Variants in DERA observed in about 807,000 individuals in gnomAD.
The protein encoded by DERA is 2-deoxy-D-ribose 5-phosphate aldolase.
In DERA, 15 loss-of-function variants were observed where a neutral mutation model predicts 41.1. The ratio of observed to expected loss-of-function variants is 0.37; its 90% CI spans 0.24 to 0.56. The LOEUF (loss-of-function observed/expected upper bound fraction) is 0.56. Ranked by LOEUF, DERA falls within the 20% of genes least tolerant of loss-of-function variation. The probability of loss-of-function intolerance (pLI) is 0.81; values close to 1 mark genes in which losing one functional copy is unlikely to be tolerated. For synonymous variants in DERA, 139 were observed against 137.4 expected (o/e 1.01, Z -0.08); for missense variants, 396 against 403.4 (o/e 0.98, Z 0.16).
chr12:15,990,437 GT>G lies in DERA; in HGVS notation c.637+8005del, dbSNP rs1948794161. ...TACTTTCCATGTTCTTTTTTGTTTT[GT>G]TTTGTTTTTAGTTTTATTTTTAACT... is the stretch of plus-strand genomic sequence containing the variant. On this transcript the variant is annotated intron_variant, in intron 6 of 8. Coordinates refer to ENST00000428559, the MANE Select transcript of DERA (RefSeq NM_015954.4). This position sits in a 1 kb window ranked among gnomAD's most constrained non-coding sequence, Gnocchi z 4.3. 6.6e-6 allele frequency among the ~76,000 whole-genome samples: 1 copy of G among 151,986 alleles called. No homozygotes were observed. The highest frequency in any genetic ancestry group is 6.6e-5 in the Admixed American group (1 of 15,266).
chr12:15,922,696 A>G lies in DERA; in HGVS notation c.31+11282A>G, dbSNP rs1345277287. Among the ~76,000 whole-genome samples the G allele has an allele frequency of 6.6e-6, 1 of 152,028 alleles. No individual in the cohort carries two copies. Among genetic ancestry groups the G allele is most frequent in the Admixed American group, 6.5e-5 (1 of 15,270 alleles). The stretch of plus-strand genomic sequence containing the variant: ...TACCTGCCCATTTGTGCTTCATTGA[A>G]TGCACTGTGGTTTATCTGGGAAGGA... On this transcript the variant is annotated intron_variant, in intron 1 of 8. Coordinates refer to ENST00000428559, the MANE Select transcript of DERA (RefSeq NM_015954.4). The surrounding 1 kb of genome is among the most constrained non-coding windows in gnomAD (Gnocchi z 4.9).
intron 6 of DERA, among the ~76,000 whole-genome samples, chr12:16,024,924 A>G (rs1471467716): frequency 6.6e-6 from 1 of 152,188 alleles, no homozygotes; most frequent in African/African-American, 2.4e-5. Flanking sequence ...CAGCAGTGTT[A>G]TAAGACACAG....
intron 1 of DERA, among the ~76,000 whole-genome samples, chr12:15,944,787 G>T (rs922706947): frequency 2.0e-5 from 3 of 152,158 alleles, no homozygotes; most frequent in Non-Finnish European, 4.4e-5. Context: ...TGGTGTTTTA[G>T]ACATGAAGTC....
In DERA at chr12:16,012,546, T is replaced by C. The variant is rs1441195183; in HGVS notation, c.638-19996T>C. On this transcript the variant is annotated intron_variant, in intron 6 of 8. Coordinates refer to ENST00000428559, the MANE Select transcript of DERA (RefSeq NM_015954.4). This position sits in a 1 kb window ranked among gnomAD's most constrained non-coding sequence, Gnocchi z 4.1. ...ATCTTTTGCATTGCTGAGTGAAATA[T>C]TCAAATTTGGGAGCAGAGCCGAGTT... Among the ~76,000 whole-genome samples, 2 of 152,160 alleles carry C rather than the reference T, an allele frequency of 1.3e-5. No homozygotes were observed. The highest frequency in any genetic ancestry group is 1.9e-4 in the East Asian group (1 of 5,194).
chr12:16,036,455 G>GA lies in DERA; in HGVS notation c.900+76dup. 6.7e-7 allele frequency: 1 copy of GA among 1,487,560 alleles called. No individual in the cohort carries two copies. The highest frequency in any genetic ancestry group is 9.1e-7 in the Non-Finnish European group (1 of 1,103,814). 92.1% of individuals were successfully genotyped at this position (1,487,560 alleles called of 1,614,324 possible). On this transcript the variant is annotated intron_variant, in intron 8 of 8. Transcript: ENST00000428559. This position sits in a 1 kb window ranked among gnomAD's most constrained non-coding sequence, Gnocchi z 4.9. ...GAAAGGAATTGAAAAGTCAAATTGA[G>GA]AACTGGAGATAAAAACTCATCTGAT...
intron 4 of DERA, 196 bp from the exon 5 acceptor site, chr12:15,962,617 C>G: frequency 2.1e-6 from 1 of 470,612 alleles, no homozygotes; most frequent in Non-Finnish European, 3.7e-6. Flanking sequence ...AGAGAACATT[C>G]AATTTCTTCA....
At chr12:15,946,916 GTATGT>G (rs1219380359) in intron 1 of DERA, among the ~76,000 whole-genome samples, 3 of 152,112 alleles carry the variant, frequency 2.0e-5, no homozygotes, top group Admixed American at 1.3e-4. Flanking sequence ...AGAGATTCTG[GTATGT>G]TATAACTTTG....
chr12:16,032,492 T>C (rs1949099084), intron 6 of DERA, 50 bp from the exon 7 acceptor site: 1 of 1,091,536 alleles, frequency 9.2e-7, no homozygotes, highest in East Asian at 2.9e-5. Flanking sequence ...CTCAAAAGTG[T>C]AAAAAAAGAA....
In DERA at chr12:15,989,462, T is replaced by G. The variant is rs77488069; in HGVS notation, c.637+7026T>G. On this transcript the variant is annotated intron_variant, in intron 6 of 8. Transcript: ENST00000428559. The surrounding 1 kb of genome is among the most constrained non-coding windows in gnomAD (Gnocchi z 5.2). Reference sequence around the variant, plus strand: ...ACTTTTTCACTGGTTGAGATCATATTTTCCTTTAAGTACTTGAGTATATTT... The same window carrying G: ...ACTTTTTCACTGGTTGAGATCATATGTTCCTTTAAGTACTTGAGTATATTT... 7.3e-3 allele frequency among the ~76,000 whole-genome samples: 1,112 copies of G among 152,354 alleles called. 11 individuals carry two copies. The highest frequency in any genetic ancestry group is 0.025 in the African/African-American group (1,035 of 41,572).
At position 15,990,432 on chromosome 12, in the gene DERA, G is replaced by C. The variant is rs1948794098; in HGVS notation, c.637+7996G>C. 6.6e-6 allele frequency among the ~76,000 whole-genome samples: 1 copy of C among 152,000 alleles called. No homozygotes were observed. ...TACGCTACTTTCCATGTTCTTTTTT[G>C]TTTTGTTTTGTTTTTAGTTTTATTT... is the stretch of plus-strand genomic sequence containing the variant. On this transcript the variant is annotated intron_variant, in intron 6 of 8. Coordinates refer to ENST00000428559, the MANE Select transcript of DERA (RefSeq NM_015954.4). This position sits in a 1 kb window ranked among gnomAD's most constrained non-coding sequence, Gnocchi z 4.3.
At chr12:16,024,081 A>T (rs1395456329) in intron 6 of DERA, among the ~76,000 whole-genome samples, 1 of 152,230 alleles carries the variant, frequency 6.6e-6, no homozygotes, top group Non-Finnish European at 1.5e-5. Flanking sequence ...AGGTCAATAG[A>T]AACTTCTTAA....
chr12:16,007,918 T>A (rs1214440550), intron 6 of DERA, among the ~76,000 whole-genome samples: 1 of 152,186 alleles, frequency 6.6e-6, no homozygotes, highest in African/African-American at 2.4e-5. Context: ...TGGCATAGTC[T>A]TGGCTCACTG....
rs965353300 is a variant in DERA at position 15,913,270 on chromosome 12, G to A, written c.31+1856G>A. 2.8e-4 allele frequency among the ~76,000 whole-genome samples: 43 copies of A among 152,096 alleles called. No individual in the cohort carries two copies. Among genetic ancestry groups the A allele is most frequent in the Non-Finnish European group, 5.3e-4 (36 of 68,014 alleles). Reference sequence around the variant, plus strand: ...TAAATGTGGTTTTTATGCAGCTATCGAAATGATCATAGCTTTGTATTTATT... The same window carrying A: ...TAAATGTGGTTTTTATGCAGCTATCAAAATGATCATAGCTTTGTATTTATT... On this transcript the variant is annotated intron_variant, in intron 1 of 8. Transcript: ENST00000428559. This position sits in a 1 kb window ranked among gnomAD's most constrained non-coding sequence, Gnocchi z 4.5.
In DERA at chr12:15,922,179, A is replaced by G. The variant is rs983467670; in HGVS notation, c.31+10765A>G. On this transcript the variant is annotated intron_variant, in intron 1 of 8. Coordinates refer to ENST00000428559, the MANE Select transcript of DERA (RefSeq NM_015954.4). The surrounding 1 kb of genome is among the most constrained non-coding windows in gnomAD (Gnocchi z 4.9). ...GCCCTTGAGAAGCTTACCTTCATCA[A>G]ATTTTAAAATATCCCCGGGGAAGTA... Among the ~76,000 whole-genome samples, 1 of 152,150 alleles carries G rather than the reference A, an allele frequency of 6.6e-6. No individual in the cohort carries two copies. Among genetic ancestry groups the G allele is most frequent in the Non-Finnish European group, 1.5e-5 (1 of 68,022 alleles).
rs868275981 is a variant in DERA at position 15,921,885 on chromosome 12, C to T, written c.31+10471C>T. 6.6e-6 allele frequency among the ~76,000 whole-genome samples: 1 copy of T among 152,044 alleles called. No individual in the cohort carries two copies. The highest frequency in any genetic ancestry group is 2.4e-5 in the African/African-American group (1 of 41,380). Reference sequence around the variant, plus strand: ...AGGTTGCAGTGAGCCGAGATCACGCCATTGCACTCCAGCCTGGGTGACGAG... The same window carrying T: ...AGGTTGCAGTGAGCCGAGATCACGCTATTGCACTCCAGCCTGGGTGACGAG... On this transcript the variant is annotated intron_variant, in intron 1 of 8. Coordinates refer to ENST00000428559, the MANE Select transcript of DERA (RefSeq NM_015954.4). This position sits in a 1 kb window ranked among gnomAD's most constrained non-coding sequence, Gnocchi z 5.3.
At position 15,922,350 on chromosome 12, in the gene DERA, G is replaced by T. The variant is rs1013826171; in HGVS notation, c.31+10936G>T. On this transcript the variant is annotated intron_variant, in intron 1 of 8. Transcript: ENST00000428559. This position sits in a 1 kb window ranked among gnomAD's most constrained non-coding sequence, Gnocchi z 4.9. ...ATGCTGTGGGAAATCTCTTGAGCTA[G>T]GCAAAGATCTCATATGGATTTTTAT... Among the ~76,000 whole-genome samples, 8 of 152,120 alleles carry T rather than the reference G, an allele frequency of 5.3e-5. No homozygotes were observed. The highest frequency in any genetic ancestry group is 1.9e-4 in the African/African-American group (8 of 41,422).
chr12:16,023,773 G>A (rs552098524), intron 6 of DERA, among the ~76,000 whole-genome samples: 114 of 152,262 alleles, frequency 7.5e-4, no homozygotes, highest in African/African-American at 2.6e-3. Context: ...CACCGCGCCC[G>A]GCCTCAAACA....
intron 1 of DERA, among the ~76,000 whole-genome samples, chr12:15,946,455 G>T (rs1299655516): frequency 1.3e-5 from 2 of 152,096 alleles, no homozygotes; most frequent in African/African-American, 4.8e-5. Flanking sequence ...GTTTAGTCTT[G>T]GGAGGATGTA....
chr12:15,995,582 C>A lies in DERA; in HGVS notation c.637+13146C>A, dbSNP rs1948831450. Among the ~76,000 whole-genome samples the A allele has an allele frequency of 6.6e-6, 1 of 152,132 alleles. No homozygotes were observed. Among genetic ancestry groups the A allele is most frequent in the Non-Finnish European group, 1.5e-5 (1 of 68,034 alleles). On this transcript the variant is annotated intron_variant, in intron 6 of 8. Transcript: ENST00000428559. The surrounding 1 kb of genome is among the most constrained non-coding windows in gnomAD (Gnocchi z 5.1). Reference sequence around the variant, plus strand: ...AACAGCTAGGGAGTGACAAGAAAAGCAGATCTTTCTGTTTTCCACCTGATG... The same window carrying A: ...AACAGCTAGGGAGTGACAAGAAAAGAAGATCTTTCTGTTTTCCACCTGATG...
Sources: gnomAD v4.1 joint callset for allele counts (sites outside exome capture counted in the v4.1 genomes callset) on GRCh38, gnomAD v4.1.1 for gene constraint, Gnocchi (gnomAD v3.1) non-coding constraint, MANE v1.5 for transcripts, NCBI Gene and HGNC (gene_info 2026-07-23, HGNC 2026-07-21) for gene names.